DOCK1: variants seen among roughly 807,000 people sequenced by gnomAD.
DOCK1 encodes the protein dedicator of cytokinesis protein 1.
Under a neutral mutation model 262.7 loss-of-function variants are expected in DOCK1, and 138 were observed. The ratio of observed to expected loss-of-function variants is 0.53; its 90% CI spans 0.46 to 0.61. The LOEUF (loss-of-function observed/expected upper bound fraction) is 0.61, where lower values mean the gene tolerates loss of function less well. Among genes scored for constraint, DOCK1 ranks in the 20% least tolerant of loss-of-function variants. DOCK1 has a pLI of 0.00. For synonymous variants in DOCK1, 866 were observed against 867.4 expected, an observed-to-expected ratio of 1.00 and a Z score of 0.03; for missense variants, 1,908 against 2,370.7, an observed-to-expected ratio of 0.80 and a Z score of 4.05.
chr10:127,225,844 C>T (rs564379812), intron 27 of DOCK1, among the ~76,000 whole-genome samples: 30 of 151,976 alleles, frequency 2.0e-4, no homozygotes, highest in African/African-American at 5.5e-4. Flanking sequence ...TTTGGGAGGC[C>T]GAGGCAGGTG....
intron 1 of DOCK1, among the ~76,000 whole-genome samples, chr10:126,940,321 C>G (rs2034888096): frequency 6.6e-6 from 1 of 152,174 alleles, no homozygotes; most frequent in African/African-American, 2.4e-5. Flanking sequence ...TCCATGCAAA[C>G]CATTCTGTTT....
chr10:127,382,989 C>A (rs560948847), intron 37 of DOCK1, among the ~76,000 whole-genome samples: 1 of 152,270 alleles, frequency 6.6e-6, no homozygotes, highest in African/African-American at 2.4e-5. Context: ...CTCTCCATAT[C>A]TTTTGCCCCG....
At chr10:127,139,120 A>C (rs1416433830) in intron 27 of DOCK1, among the ~76,000 whole-genome samples, 1 of 152,164 alleles carries the variant, frequency 6.6e-6, no homozygotes, top group Non-Finnish European at 1.5e-5. Flanking sequence ...ATGTCAGTAG[A>C]TTTCAGTAAA....
chr10:127,341,801 G>T (rs755280841), intron 30 of DOCK1, among the ~76,000 whole-genome samples: 2 of 152,190 alleles, frequency 1.3e-5, no homozygotes, highest in Non-Finnish European at 2.9e-5. Flanking sequence ...CTTGGCAGGT[G>T]TGACACACAT....
chr10:127,108,414 C>T (rs1349361173), intron 24 of DOCK1, among the ~76,000 whole-genome samples: 2 of 152,110 alleles, frequency 1.3e-5, no homozygotes, highest in African/African-American at 4.8e-5. Context: ...GGTGAAACTC[C>T]ATCTCCACTA....
At position 127,302,467 on chromosome 10, in the gene DOCK1, A is replaced by C. The variant is rs187677648; in HGVS notation, c.3045-36539A>C. On this transcript the variant is annotated intron_variant, in intron 29 of 51. Transcript: ENST00000623213. ...TCACAGCCACCTGCATCCCAGTGAA[A>C]GCTATGGTTGCTTTCCATAGGTAAA... Among the ~76,000 whole-genome samples the C allele has an allele frequency of 2.4e-3, 362 of 152,220 alleles. 2 individuals carry two copies. The highest frequency in any genetic ancestry group is 5.7e-3 in the Admixed American group (87 of 15,290).
chr10:127,159,109 G>T (rs1419364119), intron 27 of DOCK1, among the ~76,000 whole-genome samples: 1 of 152,216 alleles, frequency 6.6e-6, no homozygotes, highest in Non-Finnish European at 1.5e-5. Context: ...GACAGTGCAT[G>T]AAAGAGAAGG....
At chr10:127,339,151 A>G in intron 30 of DOCK1, 67 bp downstream of exon 30, 1 of 1,313,540 alleles carries the variant, frequency 7.6e-7, no homozygotes, top group Non-Finnish European at 1.1e-6. Context: ...GGTCCGAGCC[A>G]GTATCTTACA....
chr10:127,009,347 C>T (rs1017339859), intron 11 of DOCK1, among the ~76,000 whole-genome samples: 14 of 151,988 alleles, frequency 9.2e-5, no homozygotes, highest in African/African-American at 7.3e-5. Context: ...TAAAGAGGCA[C>T]GGAAGCTGAG....
intron 24 of DOCK1, among the ~76,000 whole-genome samples, chr10:127,106,862 C>G (rs150410144): frequency 1.2e-3 from 184 of 152,194 alleles, no homozygotes; most frequent in African/African-American, 4.3e-3. Flanking sequence ...CCTAACTTGC[C>G]GCCTCTCAGT....
intron 27 of DOCK1, among the ~76,000 whole-genome samples, chr10:127,195,745 C>A (rs1209867108): frequency 6.6e-6 from 1 of 152,180 alleles, no homozygotes; most frequent in Admixed American, 6.5e-5. Context: ...AGTTGCCAGA[C>A]GCCCCTCAGC....
chr10:127,342,112 G>A (rs1050507824), intron 30 of DOCK1, among the ~76,000 whole-genome samples: 7 of 108,744 alleles, frequency 6.4e-5, no homozygotes, highest in Non-Finnish European at 1.3e-4. Flanking sequence ...TGCTGCTGCT[G>A]CTGTTGTTGT....
chr10:127,404,049 A>G (rs1222746818), intron 39 of DOCK1, among the ~76,000 whole-genome samples: 1 of 152,188 alleles, frequency 6.6e-6, no homozygotes, highest in Non-Finnish European at 1.5e-5. Flanking sequence ...TATTGAAAAC[A>G]CCCATAAGTC....
chr10:127,155,419 A>G (rs2052944992), intron 27 of DOCK1, among the ~76,000 whole-genome samples: 1 of 152,052 alleles, frequency 6.6e-6, no homozygotes, highest in Non-Finnish European at 1.5e-5. Flanking sequence ...GATTCATCAT[A>G]TTTCAGCCAG....
rs183796589 is a variant in DOCK1 at position 127,403,377 on chromosome 10, T to C, written c.4017+233T>C. 6.3e-3 allele frequency among the ~76,000 whole-genome samples: 960 copies of C among 152,348 alleles called. 15 individuals carry two copies. The highest frequency in any genetic ancestry group is 0.022 in the African/African-American group (897 of 41,574). On this transcript the variant is annotated intron_variant, in intron 39 of 51. Transcript: ENST00000623213. ...CTCTTATAACCAAACTCTTAAGGCT[T>C]CTATGAATAAATTGTACGTAAACAA...
intron 27 of DOCK1, among the ~76,000 whole-genome samples, chr10:127,166,002 G>A (rs2054037199): frequency 6.6e-6 from 1 of 152,146 alleles, no homozygotes; most frequent in Non-Finnish European, 1.5e-5. Flanking sequence ...TCAAGTAAAA[G>A]GGAAAATCCA....
At position 127,425,822 on chromosome 10, in the gene DOCK1, G is replaced by A. The variant is rs755611363; in HGVS notation, c.4777-52G>A. Reference sequence around the variant, plus strand: ...CCCTTTCCCCAAGTGTGCATTGCTCGTCCTAGACCATTATCCAAGAAATAA... The same window carrying A: ...CCCTTTCCCCAAGTGTGCATTGCTCATCCTAGACCATTATCCAAGAAATAA... On this transcript the variant is annotated intron_variant, in intron 46 of 51. Transcript: ENST00000623213. 65 of 1,609,958 alleles carry A rather than the reference G, an allele frequency of 4.0e-5. No homozygotes were observed. The Middle Eastern group carries it at 8.3e-4, about 20-fold the overall frequency.
In DOCK1 at chr10:127,023,208, C is replaced by A. The variant is rs2042571893; in HGVS notation, c.1336C>A (p.Arg446=). Residue 446 remains arginine (R), a synonymous_variant, in exon 14 of 52, where the codon CGA becomes AGA. Transcript: ENST00000623213. ...GATTTCTCCCCCCTCAGGTGATGTTCGAAATGATATCTATGTAACATTAGT... is the reference window on the plus strand; with the variant it reads ...GATTTCTCCCCCCTCAGGTGATGTTAGAAATGATATCTATGTAACATTAGT... The part of the protein sequence containing the change: ...FPEIIMPGDV[R]NDIYVTLVQG... 1 of 1,612,880 alleles carries A rather than the reference C, an allele frequency of 6.2e-7. No homozygotes were observed. The highest frequency in any genetic ancestry group is 8.5e-7 in the Non-Finnish European group (1 of 1,179,470).
In DOCK1 at chr10:127,094,613, C is replaced by T. The variant is rs891530166; in HGVS notation, c.2446-11618C>T. On this transcript the variant is annotated intron_variant, in intron 23 of 51. Coordinates refer to ENST00000623213, the MANE Select transcript of DOCK1 (RefSeq NM_001290223.2). ...CACGCTGGACAGGCAGAATATTCTG[C>T]GCCATTTTGCCTCGTTCCTGCATCT... Among the ~76,000 whole-genome samples, 7 of 152,276 alleles carry T rather than the reference C, an allele frequency of 4.6e-5. 1 individual carries two copies. The highest frequency in any genetic ancestry group is 4.1e-4 in the South Asian group (2 of 4,830).
Sources: allele counts gnomAD v4.1 joint callset (sites outside exome capture counted in the v4.1 genomes callset), GRCh38; gene constraint gnomAD v4.1.1; transcripts MANE v1.5; gene names NCBI Gene and HGNC (gene_info 2026-07-23, HGNC 2026-07-21).